Variants in EPB41L4B observed in about 807,000 individuals in gnomAD.
EPB41L4B encodes the protein erythrocyte membrane protein band 4.1 like 4B, also known as band 4.1-like protein 4B.
EPB41L4B carries 30 observed loss-of-function variants against 112.5 expected under a neutral mutation model. That is an observed-to-expected ratio of 0.27 (90% CI 0.20 to 0.36). The LOEUF is 0.36. Among genes scored for constraint, EPB41L4B ranks in the 10% least tolerant of loss-of-function variants. EPB41L4B has a pLI of 1.00. For synonymous variants in EPB41L4B, 408 were observed against 439.7 expected (o/e 0.93, Z 0.90); for missense variants, 1,024 against 1,133.3 (o/e 0.90, Z 1.38).
At position 109,243,768 on chromosome 9, in the gene EPB41L4B, C is replaced by G. The variant is rs967995406; in HGVS notation, c.1345-86G>C. On this transcript the variant is annotated intron_variant, in intron 14 of 25. Transcript: ENST00000374566. ...CGCTTTGTCTGTTCCTGGCATCCAC[C>G]CGAGGGGCTGGGGGACTAAGAATGG... 6 of 1,347,240 alleles carry G rather than the reference C, an allele frequency of 4.5e-6. No homozygotes were observed. In the Admixed American group the frequency reaches 1.0e-4, roughly 23 times the overall value. The allele number at this position is 1,347,240 out of a possible 1,614,324, so 83.5% of individuals were successfully genotyped here. A position where few individuals can be genotyped will look rare whatever the true frequency, so the allele number is the denominator to read the frequency against.
At chr9:109,198,573 C>T (rs1363583270) in intron 20 of EPB41L4B, among the ~76,000 whole-genome samples, 1 of 152,156 alleles carries the variant, frequency 6.6e-6, no homozygotes, top group Non-Finnish European at 1.5e-5. Context: ...ACCAATGACA[C>T]ATCTGGGCAC....
intron 15 of EPB41L4B, among the ~76,000 whole-genome samples, chr9:109,219,008 G>A (rs1833483283): frequency 1.3e-5 from 2 of 152,378 alleles, no homozygotes; most frequent in South Asian, 4.1e-4. Context: ...GAAGCAATCA[G>A]TTCTCCTGGG....
chr9:109,235,917 A>G (rs545636081), intron 15 of EPB41L4B, among the ~76,000 whole-genome samples: 38 of 152,364 alleles, frequency 2.5e-4, no homozygotes, highest in African/African-American at 8.4e-4. Flanking sequence ...CAAAGGTCCC[A>G]TGGCTAGTAA....
Position 109,320,240 on chromosome 9 carries a change from G to A in EPB41L4B, c.207C>T (p.Gly69=). 3 of 1,276,118 alleles carry A rather than the reference G, an allele frequency of 2.4e-6. No homozygotes were observed. Among genetic ancestry groups the A allele is most frequent in the South Asian group, 2.9e-5 (1 of 34,470 alleles). 79.0% of individuals were successfully genotyped at this position (1,276,118 alleles called of 1,614,324 possible). ...FPAGGGPLLT[G]GAAVHISAAG... ...CGGCGGAGATGTGCACGGCCGCGCC[G>A]CCGGTGAGCAGGGGCCCGCCGCCCG... The change falls in exon 1 of 26, where the codon GGC becomes GGT. Residue 69 remains glycine (G), a synonymous_variant. Transcript: ENST00000374566.
chr9:109,300,325 T>G (rs1474270405), intron 1 of EPB41L4B: 1 of 152,176 alleles, frequency 6.6e-6, no homozygotes, highest in Non-Finnish European at 1.5e-5. Flanking sequence ...TCCATCTCAG[T>G]GGGAGTTTGA....
chr9:109,211,629 A>G (rs1040846267), intron 17 of EPB41L4B, among the ~76,000 whole-genome samples: 8 of 150,918 alleles, frequency 5.3e-5, no homozygotes, highest in Non-Finnish European at 1.2e-4. Context: ...GAAGTAATAT[A>G]TTTTGTGTGT....
chr9:109,255,444 A>C, intron 11 of EPB41L4B, 67 bp downstream of exon 11: 1 of 1,579,040 alleles, frequency 6.3e-7, no homozygotes, highest in Non-Finnish European at 8.7e-7. Flanking sequence ...CTATTCGCAT[A>C]CAAGAAAGAA....
In EPB41L4B at chr9:109,320,339, C is replaced by A; in HGVS notation, c.108G>T (p.Gly36=). Residue 36 remains glycine, a synonymous_variant, in exon 1 of 26, where the codon GGG becomes GGT. Transcript: ENST00000374566. ...AAGLGDERDG[G]PRGGPAAAAS... Reference sequence around the variant, plus strand: ...CGGCGGCGGCCGGGCCCCCCCGTGGCCCCCCATCGCGCTCGTCCCCCAGCC... The same window carrying A: ...CGGCGGCGGCCGGGCCCCCCCGTGGACCCCCATCGCGCTCGTCCCCCAGCC... The A allele has an allele frequency of 2.0e-6, 2 of 985,640 alleles. No homozygotes were observed. Among genetic ancestry groups the A allele is most frequent in the East Asian group, 1.1e-4 (1 of 8,858 alleles). The allele number at this position is 985,640 out of a possible 1,614,324, so 61.1% of individuals were successfully genotyped here.
At chr9:109,185,409 C>T (rs1832217155) in intron 23 of EPB41L4B, 80 bp downstream of exon 23, 10 of 1,253,120 alleles carry the variant, frequency 8.0e-6, no homozygotes, top group Non-Finnish European at 1.2e-5. Context: ...TGCACGCCCA[C>T]CCAGGCTTCC....
At position 109,266,905 on chromosome 9, in the gene EPB41L4B, G is replaced by A. The variant is rs193270199; in HGVS notation, c.533+568C>T. Among the ~76,000 whole-genome samples the A allele has an allele frequency of 4.1e-5, 6 of 147,220 alleles. No individual in the cohort carries two copies. The East Asian group carries it at 1.0e-3, about 25-fold the overall frequency. ...AATCGCTTGAACCCAGGAGGTGGAG[G>A]CTGCAGTGACCCAAGATCATGCCAC... On this transcript the variant is annotated intron_variant, in intron 4 of 25. Coordinates refer to ENST00000374566, the MANE Select transcript of EPB41L4B (RefSeq NM_019114.5).
At chr9:109,234,124 G>C (rs1834055726) in intron 15 of EPB41L4B, among the ~76,000 whole-genome samples, 1 of 150,666 alleles carries the variant, frequency 6.6e-6, no homozygotes, top group Non-Finnish European at 1.5e-5. Flanking sequence ...AGCTAGCAAA[G>C]GCTATGATTT....
chr9:109,290,184 G>T (rs1209023975), intron 1 of EPB41L4B, among the ~76,000 whole-genome samples: 2 of 152,150 alleles, frequency 1.3e-5, no homozygotes. Context: ...CATGGCCTTA[G>T]GCACCTCCAA....
intron 1 of EPB41L4B, among the ~76,000 whole-genome samples, chr9:109,306,634 AC>A (rs1837209262): frequency 1.3e-5 from 2 of 148,694 alleles, no homozygotes; most frequent in African/African-American, 4.9e-5. Flanking sequence ...AAACAAACAA[AC>A]AAAAAAACAT....
chr9:109,281,932 T>G (rs1836077883), intron 1 of EPB41L4B, among the ~76,000 whole-genome samples: 1 of 152,128 alleles, frequency 6.6e-6, no homozygotes, highest in African/African-American at 2.4e-5. Flanking sequence ...ACGTAAAAAC[T>G]TGTACACAAA....
intron 1 of EPB41L4B, among the ~76,000 whole-genome samples, chr9:109,319,827 G>A (rs1564343810): frequency 6.6e-6 from 1 of 152,094 alleles, no homozygotes; most frequent in Non-Finnish European, 1.5e-5. Context: ...CAGGGGGGGC[G>A]GGGTCTCGGG....
At chr9:109,241,476 C>T in intron 15 of EPB41L4B, 13 of 1,373,306 alleles carry the variant, frequency 9.5e-6, no homozygotes, top group Non-Finnish European at 1.2e-5. Flanking sequence ...AGAATGCAGT[C>T]AACAGTAAAT....
chr9:109,227,171 CTA>C lies in EPB41L4B; in HGVS notation c.1410-10028_1410-10027del, dbSNP rs1455796795. Among the ~76,000 whole-genome samples, 62 of 152,100 alleles carry C rather than the reference CTA, an allele frequency of 4.1e-4. 1 individual carries two copies. Among genetic ancestry groups the C allele is most frequent in the Non-Finnish European group, 1.0e-4 (7 of 68,006 alleles). The stretch of plus-strand genomic sequence containing the variant: ...CTTTTATTGTTCTACTAATCTAATC[CTA>C]TATCAGACTGTCTTAATTACTTTTG... On this transcript the variant is annotated intron_variant, in intron 15 of 25. Transcript: ENST00000374566.
intron 9 of EPB41L4B, 142 bp from the exon 10 acceptor site, chr9:109,255,985 C>T: frequency 8.4e-7 from 1 of 1,183,618 alleles, no homozygotes; most frequent in African/African-American, 1.5e-5. Context: ...CCAGAAGTTT[C>T]AGCGCAACTG....
At chr9:109,242,510 G>T (rs923928907) in intron 15 of EPB41L4B, among the ~76,000 whole-genome samples, 4 of 152,214 alleles carry the variant, frequency 2.6e-5, no homozygotes, top group Non-Finnish European at 5.9e-5. Flanking sequence ...TCTTACGTCT[G>T]AAGAATAAAG....
Sources: allele counts gnomAD v4.1 joint callset (sites outside exome capture counted in the v4.1 genomes callset), GRCh38; gene constraint gnomAD v4.1.1; transcripts MANE v1.5; gene names NCBI Gene and HGNC (gene_info 2026-07-23, HGNC 2026-07-21).